Variants in NRL observed in about 807,000 individuals in gnomAD.
The protein encoded by NRL is neural retina-specific leucine zipper protein.
Under a neutral mutation model 12.5 loss-of-function variants are expected in NRL, and 16 were observed. That is an observed-to-expected ratio of 1.28 (90% confidence interval 0.87 to 1.95). The LOEUF (loss-of-function observed/expected upper bound fraction) is 1.95. Ranked by LOEUF, NRL falls within the 30% of genes most tolerant of loss-of-function variation. The probability of loss-of-function intolerance (pLI) is 0.00; values close to 1 mark genes in which losing one functional copy is unlikely to be tolerated. For synonymous variants in NRL, 142 were observed against 150.9 expected (o/e 0.94, Z 0.43); for missense variants, 314 against 325.8 (o/e 0.96, Z 0.28).
chr14:24,084,733 A>C, intron 1 of NRL: 1 of 984,812 alleles, frequency 1.0e-6, no homozygotes, highest in Non-Finnish European at 1.2e-6. Context: ...GATCATTTGC[A>C]TATCTTATTG....
chr14:24,098,077 T>G, intron 1 of NRL: 2 of 732,602 alleles, frequency 2.7e-6, no homozygotes, highest in Non-Finnish European at 4.5e-6. Context: ...GGGACTGAGA[T>G]GTGATTGGGT....
intron 1 of NRL, among the ~76,000 whole-genome samples, chr14:24,090,284 C>CGGGG (rs1198592711): frequency 2.5e-4 from 2 of 7,938 alleles, no homozygotes; most frequent in Admixed American, 1.3e-3. Flanking sequence ...GGGGGGGGCA[C>CGGGG]GGGGGGGGAC....
rs1287804185 is a variant in NRL, at chr14:24,094,418, T to C, written c.-27-11543A>G. 12 of 1,561,970 alleles carry C rather than the reference T, an allele frequency of 7.7e-6. No individual in the cohort carries two copies. Among genetic ancestry groups the C allele is most frequent in the African/African-American group, 1.4e-5 (1 of 72,680 alleles). ...CTGCCCAGGTGCCATGGCCGCATTG[T>C]ACCGCCCTGGCCTGCGGTGAGTGAC... On this transcript the variant is annotated intron_variant, in intron 1 of 2. Coordinates refer to ENST00000561028, the MANE Select transcript of NRL (RefSeq NM_001354768.3). The surrounding 1 kb of genome is among the most constrained non-coding windows in gnomAD (Gnocchi z 4.1).
chr14:24,090,468 G>GCC (rs1183245813), intron 1 of NRL, among the ~76,000 whole-genome samples: 1 of 152,138 alleles, frequency 6.6e-6, no homozygotes, highest in African/African-American at 2.4e-5. Context: ...GATACATACT[G>GCC]CCCCCAGGAA....
intron 1 of NRL, chr14:24,100,326 G>T (rs774578446): frequency 6.6e-7 from 1 of 1,508,296 alleles, no homozygotes; most frequent in East Asian, 2.3e-5. Flanking sequence ...AGGCACAGAA[G>T]TCATGAACGT....
Position 24,080,556 on chromosome 14 carries a change from C to T in NRL, c.*680G>A, listed in dbSNP as rs2036249045. On this transcript the variant is annotated 3_prime_UTR_variant, in exon 3 of 3. Coordinates refer to ENST00000561028, the MANE Select transcript of NRL (RefSeq NM_001354768.3). The stretch of plus-strand genomic sequence containing the variant: ...GAAGTAACACAAGTCCAGGAAGCAA[C>T]TGATTTGCTCAGGGTGACAGGGGGA... 1 of 152,646 alleles carries T rather than the reference C, an allele frequency of 6.6e-6. No homozygotes were observed. The highest frequency in any genetic ancestry group is 2.4e-5 in the African/African-American group (1 of 41,434). 9.5% of individuals were successfully genotyped at this position (152,646 alleles called of 1,614,324 possible).
rs1459086738 is a variant in NRL at position 24,085,529 on chromosome 14, G to A, written c.-27-2654C>T. On this transcript the variant is annotated intron_variant, in intron 1 of 2. Coordinates refer to ENST00000561028, the MANE Select transcript of NRL (RefSeq NM_001354768.3). The surrounding 1 kb of genome is among the most constrained non-coding windows in gnomAD (Gnocchi z 4.1). ...GTAGGAGTGGGAACAGGGATACTAG[G>A]AATTATCCAAGGAGATGTTTAAACC... is the stretch of plus-strand genomic sequence containing the variant. Among the ~76,000 whole-genome samples, 4 of 152,174 alleles carry A rather than the reference G, an allele frequency of 2.6e-5. No individual in the cohort carries two copies. The highest frequency in any genetic ancestry group is 9.7e-5 in the African/African-American group (4 of 41,438).
intron 1 of NRL, among the ~76,000 whole-genome samples, chr14:24,113,289 T>G (rs2037450770): frequency 3.2e-3 from 1 of 310 alleles, no homozygotes; most frequent in Non-Finnish European, 9.3e-3. Flanking sequence ...AGATGACACG[T>G]TAGTGGTGCA....
chr14:24,095,598 T>C (rs966800337), intron 1 of NRL, among the ~76,000 whole-genome samples: 1 of 151,832 alleles, frequency 6.6e-6, no homozygotes, highest in East Asian at 1.9e-4. Context: ...ATGTGGCCTC[T>C]AGGAAGAAGA....
At chr14:24,082,371 C>G (rs2036338210) in intron 2 of NRL, 97 bp downstream of exon 2, 2 of 1,497,786 alleles carry the variant, frequency 1.3e-6, no homozygotes, top group African/African-American at 1.4e-5. Flanking sequence ...TGTCCCCTGT[C>G]CCAGTCCATA....
At chr14:24,098,479 C>T in intron 1 of NRL, 1 of 1,614,048 alleles carries the variant, frequency 6.2e-7, no homozygotes, top group Non-Finnish European at 8.5e-7. Flanking sequence ...CCACAGGCCG[C>T]ACCATGTATG....
chr14:24,103,957 A>G lies in NRL; in HGVS notation c.-28+10765T>C, dbSNP rs758763224. 6.8e-6 allele frequency: 11 copies of G among 1,612,632 alleles called. No homozygotes were observed. Among genetic ancestry groups the G allele is most frequent in the Non-Finnish European group, 9.3e-6 (11 of 1,178,880 alleles). Reference sequence around the variant, plus strand: ...GAGGCCCTGGAGAGACGTGTGCACAAAATGTGACCTGAGGCCCTAGTCTAG... The same window carrying G: ...GAGGCCCTGGAGAGACGTGTGCACAGAATGTGACCTGAGGCCCTAGTCTAG... On this transcript the variant is annotated intron_variant, in intron 1 of 2. Coordinates refer to ENST00000561028, the MANE Select transcript of NRL (RefSeq NM_001354768.3).
chr14:24,114,356 G>A (rs1427560395), intron 1 of NRL: 4 of 152,344 alleles, frequency 2.6e-5, no homozygotes, highest in African/African-American at 9.6e-5. Context: ...GAGGTCTACT[G>A]GGACGCTGGG....
chr14:24,101,004 G>A (rs1309092257), intron 1 of NRL, among the ~76,000 whole-genome samples: 2 of 152,172 alleles, frequency 1.3e-5, no homozygotes, highest in African/African-American at 4.8e-5. Context: ...GAGCATGGGA[G>A]GGGAGGCTGG....
chr14:24,095,289 G>T, intron 1 of NRL: 7 of 452,170 alleles, frequency 1.5e-5, no homozygotes, highest in South Asian at 9.3e-5. Flanking sequence ...CGTGAGCCAG[G>T]CTCCAGGGAG....
chr14:24,099,170 G>A (rs771606088), intron 1 of NRL: 1 of 1,610,006 alleles, frequency 6.2e-7, no homozygotes, highest in African/African-American at 1.3e-5. Context: ...TGGGCAAGAA[G>A]TGCTTTGCCC....
intron 1 of NRL, among the ~76,000 whole-genome samples, chr14:24,086,720 G>A (rs2036475797): frequency 1.3e-5 from 2 of 152,252 alleles, no homozygotes; most frequent in South Asian, 4.1e-4. Context: ...TGTCAGGTCT[G>A]CACTGATCCT....
At chr14:24,098,685 AC>A in intron 1 of NRL, 2 of 1,611,880 alleles carry the variant, frequency 1.2e-6, no homozygotes, top group Non-Finnish European at 1.7e-6. Context: ...CAAGGTAAGC[AC>A]CTGCTCTGCC....
intron 1 of NRL, among the ~76,000 whole-genome samples, chr14:24,096,343 A>G (rs1228331225): frequency 7.2e-6 from 1 of 138,224 alleles, no homozygotes; most frequent in Non-Finnish European, 1.5e-5. Flanking sequence ...GGTTCAAGCG[A>G]TTCTCCTGCC....
Sources: allele counts gnomAD v4.1 joint callset (sites outside exome capture counted in the v4.1 genomes callset), GRCh38; gene constraint gnomAD v4.1.1; non-coding constraint Gnocchi (gnomAD v3.1); transcripts MANE v1.5; gene names NCBI Gene and HGNC (gene_info 2026-07-23, HGNC 2026-07-21).